LDHB: variants seen among roughly 807,000 people sequenced by gnomAD.
LDHB encodes the protein L-lactate dehydrogenase B chain.
A neutral mutation model predicts 33.4 loss-of-function variants in LDHB; 18 were observed. That is an observed-to-expected ratio of 0.54 (90% CI 0.37 to 0.80). The LOEUF (loss-of-function observed/expected upper bound fraction) is 0.80, where lower values mean the gene tolerates loss of function less well. Among genes scored for constraint, LDHB ranks in the 30% least tolerant of loss-of-function variants. The pLI, the probability that LDHB is intolerant of heterozygous loss-of-function variation, is 0.00. For synonymous variants in LDHB, 121 were observed against 140.6 expected (o/e 0.86, Z 0.98); for missense variants, 345 against 407.9 (o/e 0.85, Z 1.33).
intron 6 of LDHB, 190 bp from the exon 7 acceptor site, chr12:21,637,384 T>G: frequency 3.5e-6 from 2 of 563,494 alleles, no homozygotes; most frequent in South Asian, 4.2e-5. Flanking sequence ...CTGTAAGCAC[T>G]ACACAGTAAA....
chr12:21,646,832 G>A, intron 3 of LDHB, 67 bp downstream of exon 3: 1 of 870,236 alleles, frequency 1.1e-6, no homozygotes. Context: ...GCTGTAAGAT[G>A]CATTCCAAAT....
chr12:21,654,472 T>C, intron 2 of LDHB, 71 bp downstream of exon 2: 1 of 1,445,196 alleles, frequency 6.9e-7, no homozygotes, highest in African/African-American at 1.4e-5. Flanking sequence ...ATAATAAAAT[T>C]CCAAGGTGCC....
At chr12:21,647,686 CAT>C (rs749993266) in intron 2 of LDHB, among the ~76,000 whole-genome samples, 1 of 152,010 alleles carries the variant, frequency 6.6e-6, no homozygotes, top group Non-Finnish European at 1.5e-5. Flanking sequence ...GATCTGGAGT[CAT>C]ATTTTTTTTT....
At chr12:21,640,738 T>C (rs1565625997) in intron 5 of LDHB, among the ~76,000 whole-genome samples, 1 of 152,052 alleles carries the variant, frequency 6.6e-6, no homozygotes. Flanking sequence ...CAGGGCTCAT[T>C]AGGGAAACAG....
chr12:21,657,135 G>A (rs1200094112), intron 1 of LDHB: 1 of 152,182 alleles, frequency 6.6e-6, no homozygotes, highest in Non-Finnish European at 1.5e-5. Flanking sequence ...CTTACTCGGA[G>A]CACCCAAGGC....
At chr12:21,653,937 A>C (rs931511168) in intron 2 of LDHB, among the ~76,000 whole-genome samples, 1 of 152,158 alleles carries the variant, frequency 6.6e-6, no homozygotes, top group Non-Finnish European at 1.5e-5. Context: ...GACCACTTGA[A>C]CCAGGGGATT....
chr12:21,651,480 G>C (rs1231886402), intron 2 of LDHB, among the ~76,000 whole-genome samples: 2 of 152,172 alleles, frequency 1.3e-5, no homozygotes, highest in Non-Finnish European at 2.9e-5. Flanking sequence ...TCTGGCTAAT[G>C]CATGTCCCTC....
At chr12:21,641,806 A>G in intron 5 of LDHB, 146 bp downstream of exon 5, 1 of 664,858 alleles carries the variant, frequency 1.5e-6, no homozygotes, top group South Asian at 2.0e-5. Context: ...ATAAAGCAAA[A>G]TGGAATAGAA....
intron 5 of LDHB, among the ~76,000 whole-genome samples, chr12:21,638,816 T>C (rs1393871182): frequency 6.6e-6 from 1 of 152,002 alleles, no homozygotes; most frequent in Non-Finnish European, 1.5e-5. Context: ...TTGAGGAATG[T>C]TTAACTTTTC....
chr12:21,639,141 A>G (rs1938294039), intron 5 of LDHB, among the ~76,000 whole-genome samples: 1 of 151,948 alleles, frequency 6.6e-6, no homozygotes, highest in African/African-American at 2.4e-5. Context: ...TTAAAGCCAA[A>G]TAAGATCCCC....
intron 3 of LDHB, among the ~76,000 whole-genome samples, chr12:21,644,446 C>CAAAAAAAAAAAAAAAAAAAAAAA (rs374761135): frequency 9.2e-6 from 1 of 108,844 alleles, no homozygotes; most frequent in African/African-American, 3.4e-5. Context: ...AAAAAAAAAA[C>CAAAAAAAAAAAAAAAAAAAAAAA]AAAAACAAAA....
At position 21,647,753 on chromosome 12, in the gene LDHB, TCACTGCAGCCTCCGCC is replaced by T. The variant is rs1332021346; in HGVS notation, c.130-753_130-738del. Among the ~76,000 whole-genome samples, 3 of 147,004 alleles carry T rather than the reference TCACTGCAGCCTCCGCC, an allele frequency of 2.0e-5. 1 individual carries two copies. The highest frequency in any genetic ancestry group is 3.0e-5 in the Non-Finnish European group (2 of 66,958). ...TGGAGTGTAGTGGTGCAATCTCGGC[TCACTGCAGCCTCCGCC>T]CACTGCAATCTCCACCTCCCGGGTT... On this transcript the variant is annotated intron_variant, in intron 2 of 7. Coordinates refer to ENST00000350669, the MANE Select transcript of LDHB (RefSeq NM_002300.8).
In LDHB at chr12:21,656,762, C is replaced by CTGTAT. The variant is rs138824762; in HGVS notation, c.-7+988_-7+989insATACA. Among the ~76,000 whole-genome samples the CTGTAT allele has an allele frequency of 5.9e-3, 905 of 152,278 alleles. 14 individuals carry two copies. The East Asian group carries it at 0.072, about 12-fold the overall frequency. ...TGCATGATATACAGGCCTGTGCCAA[C>CTGTAT]ATCAGAGTGCAGGCTGTAAGGAACA... On this transcript the variant is annotated intron_variant, in intron 1 of 7. Transcript: ENST00000350669.
chr12:21,650,103 A>AAAAAAT lies in LDHB; in HGVS notation c.130-3088_130-3087insATTTTT, dbSNP rs5796919. On this transcript the variant is annotated intron_variant, in intron 2 of 7. Transcript: ENST00000350669. Reference sequence around the variant, plus strand: ...AGACTCTCTCTCTCAAGAGAAAAAAAATACACACACACACACACACACACA... The same window carrying AAAAAAT: ...AGACTCTCTCTCTCAAGAGAAAAAAAAAAAATATACACACACACACACACACACACA... Among the ~76,000 whole-genome samples the AAAAAAT allele has an allele frequency of 3.8e-4, 52 of 137,086 alleles. 1 individual carries two copies. Among genetic ancestry groups the AAAAAAT allele is most frequent in the South Asian group, 4.6e-4 (2 of 4,380 alleles). 89.9% of individuals were successfully genotyped at this position (137,086 alleles called of 152,430 possible).
At chr12:21,644,953 GAA>G (rs1340698606) in intron 3 of LDHB, among the ~76,000 whole-genome samples, 1 of 152,164 alleles carries the variant, frequency 6.6e-6, no homozygotes, top group African/African-American at 2.4e-5. Flanking sequence ...GTGGGGAAAA[GAA>G]AGAGAGATCA....
intron 3 of LDHB, among the ~76,000 whole-genome samples, chr12:21,646,146 A>G (rs114769189): frequency 0.016 from 2,469 of 152,298 alleles, 66 homozygotes; most frequent in African/African-American, 0.056. Flanking sequence ...TGGGAAGACT[A>G]ATTTTATAAC....
At chr12:21,648,585 G>A (rs1308938237) in intron 2 of LDHB, among the ~76,000 whole-genome samples, 1 of 152,070 alleles carries the variant, frequency 6.6e-6, no homozygotes, top group Non-Finnish European at 1.5e-5. Flanking sequence ...GAAGCACTTT[G>A]AAGAATAAGG....
rs766556338 is a variant in LDHB, at chr12:21,637,194, A to C, written c.714T>G (p.Ser238Arg). ...WKEVHKMVVESAYEVIKLKGY... is the reference protein window; with the variant it reads ...WKEVHKMVVERAYEVIKLKGY... ...CTTTTAGCTTGATGACTTCATAGGC[A>C]CTTAAAAAAATTATAAAAGACATCA... Residue 238 changes from serine (S) to arginine (R), a missense_variant and splice_region_variant, in exon 7 of 8, where the codon AGT becomes AGG. Physicochemically the swap from Ser to Arg is moderately radical, Grantham distance 110. Transcript: ENST00000350669. The C allele has an allele frequency of 6.3e-7, 1 of 1,596,324 alleles. No individual in the cohort carries two copies. Among genetic ancestry groups the C allele is most frequent in the Non-Finnish European group, 8.6e-7 (1 of 1,165,882 alleles).
At chr12:21,657,218 G>GA (rs1176801308) in intron 1 of LDHB, 1 of 152,222 alleles carries the variant, frequency 6.6e-6, no homozygotes, top group Admixed American at 6.5e-5. Flanking sequence ...ATGGCTCCTG[G>GA]AAAGACCGTC....
Sources: allele counts gnomAD v4.1 joint callset (sites outside exome capture counted in the v4.1 genomes callset), GRCh38; gene constraint gnomAD v4.1.1; transcripts MANE v1.5; gene names NCBI Gene and HGNC (gene_info 2026-07-23, HGNC 2026-07-21).